The following OVCA2 variants were observed in gnomAD, a reference collection of about 807,000 sequenced individuals.
OVCA2 encodes the protein esterase OVCA2.
OVCA2 carries 14 observed loss-of-function variants against 10.1 expected under a neutral mutation model. That is an observed-to-expected ratio of 1.39 (90% confidence interval 0.92 to 2.17). The LOEUF is 2.17. OVCA2 is among the 30% of genes most tolerant of loss of function. OVCA2 has a pLI of 0.00. For synonymous variants in OVCA2, 201 were observed against 134.1 expected, an observed-to-expected ratio of 1.50 and a Z score of -3.45; for missense variants, 376 against 300.5, an observed-to-expected ratio of 1.25 and a Z score of -1.86.
intron 1 of OVCA2, 35 bp downstream of exon 1, chr17:2,042,266 TTCC>T: frequency 7.1e-7 from 1 of 1,403,858 alleles, no homozygotes. Flanking sequence ...CGCACTCAGT[TTCC>T]TCCATCTTGT....
At chr17:2,042,580 A>G (rs767337622) in intron 1 of OVCA2, 25 bp from the exon 2 acceptor site, 9 of 1,501,124 alleles carry the variant, frequency 6.0e-6, no homozygotes, top group South Asian at 1.4e-5. Flanking sequence ...CCCTAATCCC[A>G]TCCTTTTTCC....
rs949635495 is a variant in OVCA2, at chr17:2,042,058, A to T, written c.11A>T (p.Gln4Leu). Residue 4 changes from glutamine (Q) to leucine (L), a missense_variant, in exon 1 of 2, where the codon CAG becomes CTG. Gln to Leu is a moderately radical substitution (Grantham distance 113, BLOSUM62 -2). Transcript: ENST00000572195. MAA[Q>L]RPLRVLCLAG... ...TCCTTGCCGGGCATAATGGCCGCGC[A>T]GCGACCCCTGCGGGTCCTGTGCCTG... The T allele has an allele frequency of 6.5e-7, 1 of 1,537,710 alleles. No homozygotes were observed. Among genetic ancestry groups the T allele is most frequent in the Admixed American group, 2.0e-5 (1 of 50,648 alleles).
At position 2,043,147 on chromosome 17, in the gene OVCA2, G is replaced by C. The variant is rs769601302; in HGVS notation, c.*43G>C. ...CTGCTCCTACATCCAGCTCCTCTAG[G>C]GGCAGCCTCCGTCATCCATGCCCTC... On this transcript the variant is annotated 3_prime_UTR_variant, in exon 2 of 2. Coordinates refer to ENST00000572195, the MANE Select transcript of OVCA2 (RefSeq NM_080822.3). 6.3e-7 allele frequency: 1 copy of C among 1,588,138 alleles called. No homozygotes were observed. The highest frequency in any genetic ancestry group is 2.2e-5 in the East Asian group (1 of 44,644).
chr17:2,042,035 C>A lies in OVCA2; in HGVS notation c.-13C>A. On this transcript the variant is annotated 5_prime_UTR_variant, in exon 1 of 2. Transcript: ENST00000572195. ...ACCGCTTCCGGTGCTTCCGTCGCTC[C>A]TTGCCGGGCATAATGGCCGCGCAGC... 1 of 1,509,192 alleles carries A rather than the reference C, an allele frequency of 6.6e-7. No homozygotes were observed. The highest frequency in any genetic ancestry group is 8.8e-7 in the Non-Finnish European group (1 of 1,134,014). 93.5% of individuals were successfully genotyped at this position (1,509,192 alleles called of 1,614,324 possible). A position where few individuals can be genotyped will look rare whatever the true frequency, so the allele number is the denominator to read the frequency against.
Position 2,042,791 on chromosome 17 carries a change from T to C in OVCA2, c.371T>C (p.Leu124Pro), listed in dbSNP as rs1188847294. Residue 124 changes from leucine (L) to proline (P), a missense_variant, in exon 2 of 2, where the codon CTA (leucine) becomes CCA (proline). Physicochemically the swap from Leu to Pro is moderately conservative, Grantham distance 98 (BLOSUM62 -3). Coordinates refer to ENST00000572195, the MANE Select transcript of OVCA2 (RefSeq NM_080822.3). ...GLLGFSQGAALAALVCALGQA... is the reference protein window; with the variant it reads ...GLLGFSQGAAPAALVCALGQA... ...CTTGGTTTCAGCCAAGGGGCTGCGC[T>C]AGCAGCCCTTGTGTGTGCCCTGGGC... The C allele has an allele frequency of 6.2e-7, 1 of 1,613,400 alleles. No individual in the cohort carries two copies. The highest frequency in any genetic ancestry group is 2.2e-5 in the East Asian group (1 of 44,894).
Position 2,043,295 on chromosome 17 carries a change from G to T in OVCA2, c.*191G>T. ...GTACTGAAGAAAAGGGGAGCACAAG[G>T]CCTTAATGGACATTGACTTGTGAAA... On this transcript the variant is annotated 3_prime_UTR_variant, in exon 2 of 2. Coordinates refer to ENST00000572195, the MANE Select transcript of OVCA2 (RefSeq NM_080822.3). The T allele has an allele frequency of 1.5e-6, 1 of 659,856 alleles. No individual in the cohort carries two copies. The highest frequency in any genetic ancestry group is 2.5e-6 in the Non-Finnish European group (1 of 402,502). The allele number at this position is 659,856 out of a possible 1,614,324, so 40.9% of individuals were successfully genotyped here.
Position 2,042,241 on chromosome 17 carries a change from G to A in OVCA2, c.184+10G>A, listed in dbSNP as rs992319769. The A allele has an allele frequency of 4.9e-6, 7 of 1,414,650 alleles. No individual in the cohort carries two copies. The East Asian group carries it at 2.0e-4, about 40-fold the overall frequency. The allele number at this position is 1,414,650 out of a possible 1,614,324, so 87.6% of individuals were successfully genotyped here. ...GCCAGATCAGACTTCGGTGAGACAAGCCCCGCTCCGGAAACGCACTCAGTT... is the reference window on the plus strand; with the variant it reads ...GCCAGATCAGACTTCGGTGAGACAAACCCCGCTCCGGAAACGCACTCAGTT... On this transcript the variant is annotated intron_variant, in intron 1 of 1. Transcript: ENST00000572195.
chr17:2,043,153 C>A lies in OVCA2; in HGVS notation c.*49C>A. The A allele has an allele frequency of 6.4e-7, 1 of 1,574,476 alleles. No individual in the cohort carries two copies. Among genetic ancestry groups the A allele is most frequent in the South Asian group, 1.2e-5 (1 of 86,420 alleles). ...CTACATCCAGCTCCTCTAGGGGCAG[C>A]CTCCGTCATCCATGCCCTCCCAGGA... On this transcript the variant is annotated 3_prime_UTR_variant, in exon 2 of 2. Transcript: ENST00000572195.
In OVCA2 at chr17:2,042,140, G is replaced by A; in HGVS notation, c.93G>A (p.Lys31=). 6.5e-7 allele frequency: 1 copy of A among 1,537,378 alleles called. No homozygotes were observed. The highest frequency in any genetic ancestry group is 8.7e-7 in the Non-Finnish European group (1 of 1,151,874). ...GFREKTGALR[K]ALRGRAELVC... is the part of the protein sequence containing the mutation. The stretch of plus-strand genomic sequence containing the variant: ...GTGAGAAGACCGGGGCGCTGAGGAA[G>A]GCGCTGCGGGGTCGCGCCGAGCTCG... The change falls in exon 1 of 2, where the codon AAG becomes AAA. Residue 31 remains lysine, a synonymous_variant. Transcript: ENST00000572195.
rs753169301 is a variant in OVCA2 at position 2,042,055 on chromosome 17, C to T, written c.8C>T (p.Ala3Val). 2.0e-6 allele frequency: 3 copies of T among 1,532,910 alleles called. No individual in the cohort carries two copies. The highest frequency in any genetic ancestry group is 2.6e-6 in the Non-Finnish European group (3 of 1,147,796). The allele number at this position is 1,532,910 out of a possible 1,614,324, so 95.0% of individuals were successfully genotyped here. Residue 3 changes from alanine (A) to valine (V), a missense_variant, in exon 1 of 2, where the codon GCG (alanine) becomes GTG (valine). Ala to Val is a moderately conservative substitution (Grantham distance 64). Transcript: ENST00000572195. MAAQRPLRVLCLA... is the reference protein window; with the variant it reads MAVQRPLRVLCLA... ...CGCTCCTTGCCGGGCATAATGGCCG[C>T]GCAGCGACCCCTGCGGGTCCTGTGC...
rs1164076235 is a variant in OVCA2, at chr17:2,043,349, C to T, written c.*245C>T. 3 of 494,718 alleles carry T rather than the reference C, an allele frequency of 6.1e-6. No homozygotes were observed. The highest frequency in any genetic ancestry group is 1.1e-5 in the Non-Finnish European group (3 of 283,242). 30.6% of individuals were successfully genotyped at this position (494,718 alleles called of 1,614,324 possible). On this transcript the variant is annotated 3_prime_UTR_variant, in exon 2 of 2. Transcript: ENST00000572195. Reference sequence around the variant, plus strand: ...CAAACATGAATATGGTTGGAGAGCCCTGGATTAGGAGGGTGACATGGGGAA... The same window carrying T: ...CAAACATGAATATGGTTGGAGAGCCTTGGATTAGGAGGGTGACATGGGGAA...
In OVCA2 at chr17:2,042,040, C is replaced by T. The variant is rs1466411754; in HGVS notation, c.-8C>T. 7 of 1,513,748 alleles carry T rather than the reference C, an allele frequency of 4.6e-6. No individual in the cohort carries two copies. The highest frequency in any genetic ancestry group is 5.3e-6 in the Non-Finnish European group (6 of 1,136,778). The allele number at this position is 1,513,748 out of a possible 1,614,324, so 93.8% of individuals were successfully genotyped here. On this transcript the variant is annotated 5_prime_UTR_variant, in exon 1 of 2. Transcript: ENST00000572195. ...TTCCGGTGCTTCCGTCGCTCCTTGC[C>T]GGGCATAATGGCCGCGCAGCGACCC...
chr17:2,042,830 C>T lies in OVCA2; in HGVS notation c.410C>T (p.Pro137Leu). 6.2e-7 allele frequency: 1 copy of T among 1,614,086 alleles called. No homozygotes were observed. The highest frequency in any genetic ancestry group is 8.5e-7 in the Non-Finnish European group (1 of 1,180,022). Residue 137 changes from proline to leucine, a missense_variant, in exon 2 of 2, where the codon CCC becomes CTC. Pro to Leu is a moderately conservative substitution (Grantham distance 98). Transcript: ENST00000572195. ...TGTGCCCTGGGCCAGGCAGGCGATCCCCGCTTCCCCTTGCCACGGTTTATC... is the reference window on the plus strand; with the variant it reads ...TGTGCCCTGGGCCAGGCAGGCGATCTCCGCTTCCCCTTGCCACGGTTTATC... ...LVCALGQAGDPRFPLPRFILL... is the reference protein window; with the variant it reads ...LVCALGQAGDLRFPLPRFILL...
chr17:2,043,288 G>A lies in OVCA2; in HGVS notation c.*184G>A, dbSNP rs1182614644. 8.6e-6 allele frequency: 6 copies of A among 697,374 alleles called. No individual in the cohort carries two copies. Among genetic ancestry groups the A allele is most frequent in the Non-Finnish European group, 1.4e-5 (6 of 430,890 alleles). 43.2% of individuals were successfully genotyped at this position (697,374 alleles called of 1,614,324 possible). A position where few individuals can be genotyped will look rare whatever the true frequency, so the allele number is the denominator to read the frequency against. ...CTGCCCTGTACTGAAGAAAAGGGGA[G>A]CACAAGGCCTTAATGGACATTGACT... On this transcript the variant is annotated 3_prime_UTR_variant, in exon 2 of 2. Coordinates refer to ENST00000572195, the MANE Select transcript of OVCA2 (RefSeq NM_080822.3).
rs2067548173 is a variant in OVCA2, at chr17:2,042,200, C to T, written c.153C>T (p.Pro51=). The change falls in exon 1 of 2, where the codon CCC becomes CCT. Residue 51 remains proline (P), a synonymous_variant. Transcript: ENST00000572195. The part of the protein sequence containing the change: ...CLSGPHPVPD[P]PGPEGARSDF... ...GCGGCCCGCACCCGGTCCCCGACCC[C>T]CCGGGCCCCGAGGGCGCCAGATCAG... is the stretch of plus-strand genomic sequence containing the variant. 1.4e-6 allele frequency: 2 copies of T among 1,433,520 alleles called. No individual in the cohort carries two copies. Among genetic ancestry groups the T allele is most frequent in the Non-Finnish European group, 1.8e-6 (2 of 1,100,992 alleles). 88.8% of individuals were successfully genotyped at this position (1,433,520 alleles called of 1,614,324 possible). A position where few individuals can be genotyped will look rare whatever the true frequency, so the allele number is the denominator to read the frequency against.
chr17:2,042,940 G>GT lies in OVCA2; in HGVS notation c.525dup (p.Gly176TrpfsTer4). ...GCCCTTGTCATTGCCTTCGCTCCAT[G>GT]TTTTTGGGGACACTGACAAAGTCAT... On this transcript the variant is annotated frameshift_variant, in exon 2 of 2. Coordinates refer to ENST00000572195, the MANE Select transcript of OVCA2 (RefSeq NM_080822.3). LOFTEE classifies it high-confidence loss of function. 6.2e-7 allele frequency: 1 copy of GT among 1,614,180 alleles called. No homozygotes were observed.
rs768205267 is a variant in OVCA2, at chr17:2,042,068, G to A, written c.21G>A (p.Leu7=). The change falls in exon 1 of 2, where the codon CTG becomes CTA. Residue 7 remains leucine (L), a synonymous_variant. Coordinates refer to ENST00000572195, the MANE Select transcript of OVCA2 (RefSeq NM_080822.3). The part of the protein sequence containing the change: MAAQRP[L]RVLCLAGFRQ... ...GCATAATGGCCGCGCAGCGACCCCT[G>A]CGGGTCCTGTGCCTGGCGGGCTTCC... The A allele has an allele frequency of 1.7e-5, 26 of 1,555,408 alleles. No individual in the cohort carries two copies. The African/African-American group carries it at 3.0e-4, about 18-fold the overall frequency.
chr17:2,042,355 C>T, intron 1 of OVCA2, 124 bp downstream of exon 1: 1 of 1,346,322 alleles, frequency 7.4e-7, no homozygotes, highest in Middle Eastern at 2.0e-4. Context: ...CCACACCCTT[C>T]ATTTCTCGCG....
Position 2,042,900 on chromosome 17 carries a change from A to G in OVCA2, c.480A>G (p.Glu160=). The change falls in exon 2 of 2, where the codon GAA becomes GAG. Residue 160 remains glutamate (E), a synonymous_variant. Transcript: ENST00000572195. ...GFCPRGIGFK[E]SILQRPLSLP... ...GTCCCCGGGGCATTGGGTTCAAGGA[A>G]TCCATCCTGCAAAGGCCCTTGTCAT... 3.7e-6 allele frequency: 6 copies of G among 1,614,098 alleles called. No individual in the cohort carries two copies. Among genetic ancestry groups the G allele is most frequent in the Non-Finnish European group, 5.1e-6 (6 of 1,180,022 alleles).
Sources: gnomAD v4.1 joint callset for allele counts on GRCh38, gnomAD v4.1.1 for gene constraint, MANE v1.5 for transcripts, NCBI Gene and HGNC (gene_info 2026-07-23, HGNC 2026-07-21) for gene names.